MIDEAS: variants seen among roughly 807,000 people sequenced by gnomAD.
MIDEAS encodes mitotic deacetylase-associated SANT domain protein.
Under a neutral mutation model 102.7 loss-of-function variants are expected in MIDEAS, and 26 were observed. The ratio of observed to expected loss-of-function variants is 0.25; its 90% CI spans 0.19 to 0.35. The LOEUF is 0.35. MIDEAS is among the 10% of genes least tolerant of loss of function. The pLI is 1.00. For missense variants in MIDEAS, 1,231 were observed against 1,435.6 expected (o/e 0.86, Z 2.30); for synonymous variants, 585 against 591.0 (o/e 0.99, Z 0.15).
chr14:73,742,945 T>C lies in MIDEAS; in HGVS notation c.-247-2690A>G, dbSNP rs976348228. Among the ~76,000 whole-genome samples, 1 of 152,132 alleles carries C rather than the reference T, an allele frequency of 6.6e-6. No individual in the cohort carries two copies. The highest frequency in any genetic ancestry group is 1.5e-5 in the Non-Finnish European group (1 of 68,010). ...GCAGATCCTACGTGCTTTATATCCT[T>C]TAAATTCCCACCATGGCCTTATAAG... On this transcript the variant is annotated intron_variant, in intron 1 of 12. Coordinates refer to ENST00000423556, the MANE Select transcript of MIDEAS (RefSeq NM_001367710.1). The surrounding 1 kb of genome is among the most constrained non-coding windows in gnomAD (Gnocchi z 4.4).
upstream of MIDEAS, among the ~76,000 whole-genome samples, chr14:73,763,299 C>G (rs1304128288): frequency 6.6e-6 from 1 of 152,198 alleles, no homozygotes; most frequent in Non-Finnish European, 1.5e-5. Context: ...GTTCACGCCA[C>G]TGCACTCCAT....
intron 1 of MIDEAS, among the ~76,000 whole-genome samples, chr14:73,766,733 G>A (rs1317476952): frequency 6.6e-6 from 1 of 151,732 alleles, no homozygotes; most frequent in Non-Finnish European, 1.5e-5. Flanking sequence ...TGTATTTTTA[G>A]TAGAAACGGG....
At chr14:73,787,423 T>A (rs1286455403), upstream of MIDEAS, 1 of 152,096 alleles carries the variant, frequency 6.6e-6, no homozygotes, top group Non-Finnish European at 1.5e-5. Flanking sequence ...CCCCCCGCCC[T>A]GGGAGGGAAG....
At position 73,775,561 on chromosome 14, in the gene MIDEAS, G is replaced by A. The variant is rs538316938; in HGVS notation, c.-248+11541C>T. Among the ~76,000 whole-genome samples the A allele has an allele frequency of 5.9e-5, 9 of 152,152 alleles. No individual in the cohort carries two copies. In the South Asian group the frequency reaches 8.3e-4, roughly 14 times the overall value. On this transcript the variant is annotated intron_variant, in intron 1 of 11. Coordinates refer to the MIDEAS transcript ENST00000394071. Reference sequence around the variant, plus strand: ...GATCCAAGCCTCAGGATCAGGAATCGCTTCCAGTCCAGAGCCCAGCTCATG... The same window carrying A: ...GATCCAAGCCTCAGGATCAGGAATCACTTCCAGTCCAGAGCCCAGCTCATG...
At chr14:73,778,927 T>C (rs2053718329) in intron 1 of MIDEAS, among the ~76,000 whole-genome samples, 1 of 151,996 alleles carries the variant, frequency 6.6e-6, no homozygotes, top group Non-Finnish European at 1.5e-5. Context: ...CATGACCTTC[T>C]CATGAGACAC....
intron 1 of MIDEAS, among the ~76,000 whole-genome samples, chr14:73,782,196 T>A (rs1456989351): frequency 1.3e-5 from 2 of 152,180 alleles, no homozygotes; most frequent in Non-Finnish European, 2.9e-5. Flanking sequence ...GAGGACTGGC[T>A]AAAGGCAACA....
rs374203239 is a variant in MIDEAS, at chr14:73,737,049, G to A, written c.1698C>T (p.Ile566=). Residue 566 remains isoleucine, a synonymous_variant, in exon 3 of 13, where the codon ATC becomes ATT. Transcript: ENST00000423556. ...TTCGGGTGGACCGCCTGCGGGTGAC[G>A]ATGACTGATGGCTTGTGCTCAGCAG... is the stretch of plus-strand genomic sequence containing the variant. ...QNPAEHKPSV[I]VTRRRSTRIP... is the part of the protein sequence containing the mutation. The A allele has an allele frequency of 1.7e-5, 27 of 1,613,962 alleles. No homozygotes were observed. Among genetic ancestry groups the A allele is most frequent in the Non-Finnish European group, 2.1e-5 (25 of 1,180,022 alleles).
intron 1 of MIDEAS, among the ~76,000 whole-genome samples, chr14:73,779,938 T>C (rs2053736420): frequency 6.8e-6 from 1 of 147,520 alleles, no homozygotes; most frequent in East Asian, 2.1e-4. Context: ...AGTGGCACCA[T>C]CTCAGCTCAC....
At chr14:73,721,835 T>C (rs1262079489) in intron 10 of MIDEAS, among the ~76,000 whole-genome samples, 1 of 152,174 alleles carries the variant, frequency 6.6e-6, no homozygotes, top group Non-Finnish European at 1.5e-5. Flanking sequence ...GGCAGAAGCC[T>C]TGAGTTCCAA....
rs146826395 is a variant in MIDEAS at position 73,777,388 on chromosome 14, T to G, written c.-248+9714A>C. On this transcript the variant is annotated intron_variant, in intron 1 of 11. Coordinates refer to the MIDEAS transcript ENST00000394071. ...CCACCAGATAGCCTTCCAATACATT[T>G]CTTTTCTCCTCAATTTAGCTACAGT... Among the ~76,000 whole-genome samples, 135 of 152,096 alleles carry G rather than the reference T, an allele frequency of 8.9e-4. 1 individual carries two copies. The highest frequency in any genetic ancestry group is 1.7e-3 in the Non-Finnish European group (115 of 67,944).
intron 1 of MIDEAS, among the ~76,000 whole-genome samples, chr14:73,769,210 G>A (rs1318903045): frequency 6.6e-6 from 1 of 152,240 alleles, no homozygotes; most frequent in East Asian, 1.9e-4. Flanking sequence ...TGGTGAGCTG[G>A]GCAGGTGTGG....
At chr14:73,781,635 G>A (rs1031315003) in intron 1 of MIDEAS, among the ~76,000 whole-genome samples, 4 of 150,414 alleles carry the variant, frequency 2.7e-5, no homozygotes, top group Non-Finnish European at 2.9e-5. Context: ...TCGGGAGGCC[G>A]AGGTAGTAGA....
chr14:73,785,914 T>C (rs2053803244), intron 1 of MIDEAS, among the ~76,000 whole-genome samples: 1 of 152,238 alleles, frequency 6.6e-6, no homozygotes, highest in South Asian at 2.1e-4. Context: ...ATTTGGAGAC[T>C]GCAGCTCAGA....
chr14:73,781,776 G>T, intron 1 of MIDEAS, among the ~76,000 whole-genome samples: 1 of 145,694 alleles, frequency 6.9e-6, no homozygotes, highest in South Asian at 2.2e-4. Context: ...GGCCAGACAC[G>T]GTGGCGCACG....
chr14:73,738,035 T>C (rs1184084725), intron 2 of MIDEAS, among the ~76,000 whole-genome samples: 1 of 152,026 alleles, frequency 6.6e-6, no homozygotes, highest in Non-Finnish European at 1.5e-5. Flanking sequence ...CCACCCACCT[T>C]GGCCTCCCAA....
At chr14:73,783,381 G>A (rs368486638) in intron 1 of MIDEAS, among the ~76,000 whole-genome samples, 2 of 152,172 alleles carry the variant, frequency 1.3e-5, no homozygotes, top group Admixed American at 6.5e-5. Context: ...AGCATGGGAG[G>A]TAGGAATTCT....
Position 73,739,568 on chromosome 14 carries a change from C to T in MIDEAS, c.441G>A (p.Gly147=). ...HSLSLYSATK[G]SPHPGVGVPT... is the part of the protein sequence containing the mutation. ...GGACTCCCACTCCAGGATGCGGGCT[C>T]CCCTTGGTTGCACTGTAGAGGGACA... The change falls in exon 2 of 13, where the codon GGG becomes GGA. Residue 147 remains glycine (G), a synonymous_variant. Transcript: ENST00000423556. The T allele has an allele frequency of 6.2e-7, 1 of 1,614,152 alleles. No homozygotes were observed. The highest frequency in any genetic ancestry group is 2.2e-5 in the East Asian group (1 of 44,860).
rs575064100 is a variant in MIDEAS, at chr14:73,759,447, G to A, written c.-248+316C>T. On this transcript the variant is annotated intron_variant, in intron 1 of 12. Coordinates refer to ENST00000423556, the MANE Select transcript of MIDEAS (RefSeq NM_001367710.1). This position sits in a 1 kb window ranked among gnomAD's most constrained non-coding sequence, Gnocchi z 6.7. ...TGGCGGGGCCGCGCCCGGGTGGGCG[G>A]GGGCCGCGCGCAAGCTGCGTAGCTG... is the stretch of plus-strand genomic sequence containing the variant. Among the ~76,000 whole-genome samples, 3 of 151,372 alleles carry A rather than the reference G, an allele frequency of 2.0e-5. No individual in the cohort carries two copies. The East Asian group carries it at 5.9e-4, about 30-fold the overall frequency.
At chr14:73,767,306 C>A (rs2053600131) in intron 1 of MIDEAS, among the ~76,000 whole-genome samples, 2 of 152,160 alleles carry the variant, frequency 1.3e-5, no homozygotes, top group African/African-American at 4.8e-5. Flanking sequence ...AGCTATGATG[C>A]CCATTATCTG....
Sources: gnomAD v4.1 joint callset for allele counts (sites outside exome capture counted in the v4.1 genomes callset) on GRCh38, gnomAD v4.1.1 for gene constraint, Gnocchi (gnomAD v3.1) non-coding constraint, MANE v1.5 for transcripts, NCBI Gene and HGNC (gene_info 2026-07-23, HGNC 2026-07-21) for gene names.